Variants in FREM1 observed in about 807,000 individuals in gnomAD.
FREM1 encodes FRAS1 related extracellular matrix 1, also known as FRAS1-related extracellular matrix protein 1.
Under a neutral mutation model 210.1 loss-of-function variants are expected in FREM1, and 220 were observed. The observed-to-expected ratio is 1.05, with a 90% CI of 0.94 to 1.17. The LOEUF is 1.17. FREM1 is among the 50% of genes most tolerant of loss of function. The pLI is 0.00. For synonymous variants in FREM1, 1,189 were observed against 980.2 expected, an observed-to-expected ratio of 1.21 and a Z score of -3.98; for missense variants, 3,454 against 2,675.5, an observed-to-expected ratio of 1.29 and a Z score of -6.42.
chr9:14,833,679 G>A (rs1335522030), intron 10 of FREM1, among the ~76,000 whole-genome samples: 1 of 152,148 alleles, frequency 6.6e-6, no homozygotes, highest in African/African-American at 2.4e-5. Context: ...GGATTTAAAA[G>A]GATTTTCTTA....
intron 24 of FREM1, among the ~76,000 whole-genome samples, chr9:14,779,999 G>A (rs72709599): frequency 0.039 from 6,004 of 152,212 alleles, 148 homozygotes; most frequent in South Asian, 0.086. Flanking sequence ...AATAAAGCTA[G>A]CAGTACACGT....
Position 14,769,852 on chromosome 9 carries a change from C to T in FREM1, c.5076G>A (p.Glu1692=), listed in dbSNP as rs766940375. 6 of 1,532,488 alleles carry T rather than the reference C, an allele frequency of 3.9e-6. No homozygotes were observed. The highest frequency in any genetic ancestry group is 1.2e-5 in the South Asian group (1 of 80,108). 94.9% of individuals were successfully genotyped at this position (1,532,488 alleles called of 1,614,324 possible). Reference sequence around the variant, plus strand: ...TGTTTAAGTCCTTTTGGCTAAATTTCTCATGGATAAATTCACCTAAAAAAA... The same window carrying T: ...TGTTTAAGTCCTTTTGGCTAAATTTTTCATGGATAAATTCACCTAAAAAAA... ...ENTTTGEFIH[E]KFSQKDLNSK... The change falls in exon 27 of 37, where the codon GAG becomes GAA. Residue 1692 remains glutamate (E), a synonymous_variant. Coordinates refer to ENST00000380880, the MANE Select transcript of FREM1 (RefSeq NM_001379081.2).
intron 1 of FREM1, among the ~76,000 whole-genome samples, chr9:14,905,871 A>G (rs1373840381): frequency 6.6e-6 from 1 of 151,868 alleles, no homozygotes. Context: ...AGCATGGGCA[A>G]TAGAGCAAGA....
At chr9:14,833,436 G>C (rs1333940919) in intron 10 of FREM1, among the ~76,000 whole-genome samples, 23 of 152,168 alleles carry the variant, frequency 1.5e-4, no homozygotes, top group Admixed American at 1.5e-3. Context: ...GAGAGCTTAG[G>C]GGCTAAAAAT....
chr9:14,798,078 A>T (rs1157293002), intron 20 of FREM1, among the ~76,000 whole-genome samples: 1 of 152,118 alleles, frequency 6.6e-6, no homozygotes, highest in Non-Finnish European at 1.5e-5. Flanking sequence ...TTTAAATGGA[A>T]ATTCAAGAGT....
intron 7 of FREM1, among the ~76,000 whole-genome samples, chr9:14,848,202 A>G (rs1450397113): frequency 1.3e-5 from 2 of 152,250 alleles, no homozygotes; most frequent in Non-Finnish European, 2.9e-5. Context: ...TCCACTCAGA[A>G]TTGAGAGGCA....
At chr9:14,890,759 A>C (rs1836672644) in intron 1 of FREM1, among the ~76,000 whole-genome samples, 1 of 152,202 alleles carries the variant, frequency 6.6e-6, no homozygotes, top group Non-Finnish European at 1.5e-5. Context: ...CCTTCTACTA[A>C]AACTACCTTC....
At position 14,770,645 on chromosome 9, in the gene FREM1, T is replaced by C; in HGVS notation, c.5019A>G (p.Leu1673=). The C allele has an allele frequency of 6.2e-7, 1 of 1,613,524 alleles. No homozygotes were observed. Among genetic ancestry groups the C allele is most frequent in the Non-Finnish European group, 8.5e-7 (1 of 1,179,578 alleles). ...TEDDQIIFKI[L]QGPKHGHLEN... ...CCAGATGTCCATGTTTTGGGCCTTG[T>C]AGAATTTTAAAGATGATCTGATCGT... is the stretch of plus-strand genomic sequence containing the variant. The change falls in exon 26 of 37, where the codon CTA becomes CTG. Residue 1673 remains leucine (L), a synonymous_variant. Coordinates refer to ENST00000380880, the MANE Select transcript of FREM1 (RefSeq NM_001379081.2).
chr9:14,742,665 A>T (rs1012243172), intron 35 of FREM1, among the ~76,000 whole-genome samples: 1 of 152,198 alleles, frequency 6.6e-6, no homozygotes, highest in Non-Finnish European at 1.5e-5. Flanking sequence ...TAAACTAGGA[A>T]TTTGATCATA....
chr9:14,832,016 A>C (rs1823657165), intron 10 of FREM1, among the ~76,000 whole-genome samples: 1 of 152,224 alleles, frequency 6.6e-6, no homozygotes, highest in East Asian at 1.9e-4. Flanking sequence ...TTTTATTCTC[A>C]CTTCTCTTTC....
chr9:14,745,129 A>G (rs547270046), intron 35 of FREM1, among the ~76,000 whole-genome samples: 3 of 152,318 alleles, frequency 2.0e-5, no homozygotes, highest in African/African-American at 7.2e-5. Flanking sequence ...GGAAAGTGAG[A>G]GGAGGAAGAA....
intron 1 of FREM1, among the ~76,000 whole-genome samples, chr9:14,897,333 T>C (rs1032858879): frequency 6.6e-6 from 1 of 152,110 alleles, no homozygotes; most frequent in Non-Finnish European, 1.5e-5. Context: ...CATATTCCAA[T>C]CCCAGAAGAC....
chr9:14,893,158 G>C (rs1588630275), intron 1 of FREM1, among the ~76,000 whole-genome samples: 1 of 137,438 alleles, frequency 7.3e-6, no homozygotes, highest in South Asian at 2.2e-4. Flanking sequence ...TAAGAATTTT[G>C]ACTTCTCTCT....
At chr9:14,814,865 T>C (rs1436001262) in intron 15 of FREM1, among the ~76,000 whole-genome samples, 1 of 152,192 alleles carries the variant, frequency 6.6e-6, no homozygotes, top group African/African-American at 2.4e-5. Flanking sequence ...CTCTTGTGTT[T>C]AAAAAGAAAC....
In FREM1 at chr9:14,831,625, G is replaced by C. The variant is rs548903787; in HGVS notation, c.1882-6633C>G. Among the ~76,000 whole-genome samples, 32 of 152,304 alleles carry C rather than the reference G, an allele frequency of 2.1e-4. No individual in the cohort carries two copies. The South Asian group carries it at 5.0e-3, about 24-fold the overall frequency. On this transcript the variant is annotated intron_variant, in intron 10 of 36. Coordinates refer to ENST00000380880, the MANE Select transcript of FREM1 (RefSeq NM_001379081.2). ...GTTAACCAGAACCATTTTTCTATGG[G>C]TAAATGCTTTAGCCTGGGCTATAAT...
chr9:14,756,145 T>C (rs985204), intron 29 of FREM1, among the ~76,000 whole-genome samples: 66,571 of 151,924 alleles, frequency 0.44, 16,328 homozygotes, highest in East Asian at 0.58. Flanking sequence ...ATATTTATTA[T>C]AATCTTTCTT....
At chr9:14,777,458 C>A (rs1848806028) in intron 24 of FREM1, among the ~76,000 whole-genome samples, 1 of 152,212 alleles carries the variant, frequency 6.6e-6, no homozygotes, top group East Asian at 1.9e-4. Context: ...TAGAAATAAT[C>A]ACAGAATTGT....
At chr9:14,797,369 A>T (rs1342750212) in intron 21 of FREM1, 129 bp downstream of exon 21, 4 of 610,758 alleles carry the variant, frequency 6.5e-6, no homozygotes, top group Non-Finnish European at 1.0e-5. Flanking sequence ...CCTGAGTGGC[A>T]GGGGCAAGCT....
At chr9:14,860,682 T>TATATACACACATATATACACATATATAC (rs1564100208) in intron 3 of FREM1, among the ~76,000 whole-genome samples, 1 of 110,116 alleles carries the variant, frequency 9.1e-6, no homozygotes, top group Non-Finnish European at 1.8e-5. Context: ...CACACATATA[T>TATATACACACATATATACACATATATAC]ACACATATAT....
Sources: gnomAD v4.1 joint callset for allele counts (sites outside exome capture counted in the v4.1 genomes callset) on GRCh38, gnomAD v4.1.1 for gene constraint, MANE v1.5 for transcripts, NCBI Gene and HGNC (gene_info 2026-07-23, HGNC 2026-07-21) for gene names.